The following SLC6A6 variants were observed in gnomAD, a reference collection of about 807,000 sequenced individuals.
The protein encoded by SLC6A6 is sodium- and chloride-dependent taurine transporter.
SLC6A6 carries 16 observed loss-of-function variants against 68.8 expected under a neutral mutation model. The ratio of observed to expected loss-of-function variants is 0.23; its 90% CI spans 0.16 to 0.35. SLC6A6 has a LOEUF of 0.35. Ranked by LOEUF, SLC6A6 falls within the 10% of genes least tolerant of loss-of-function variation. The pLI is 1.00. For missense variants in SLC6A6, 474 were observed against 802.8 expected (o/e 0.59, Z 4.95); for synonymous variants, 312 against 315.4 (o/e 0.99, Z 0.12).
chr3:14,407,802 G>T (rs1050936492), intron 1 of SLC6A6, among the ~76,000 whole-genome samples: 1 of 152,116 alleles, frequency 6.6e-6, no homozygotes, highest in Non-Finnish European at 1.5e-5. Flanking sequence ...CACCATACCA[G>T]GCCCACTTTC....
At chr3:14,471,028 G>A (rs1431847393) in intron 9 of SLC6A6, among the ~76,000 whole-genome samples, 1 of 151,366 alleles carries the variant, frequency 6.6e-6, no homozygotes, top group Non-Finnish European at 1.5e-5. Flanking sequence ...TTATTGTAAA[G>A]TTGGGTTTTG....
intron 10 of SLC6A6, among the ~76,000 whole-genome samples, chr3:14,473,486 G>A (rs543492816): frequency 4.9e-4 from 75 of 152,202 alleles, no homozygotes; most frequent in African/African-American, 1.5e-3. Flanking sequence ...CCCGCGGGCC[G>A]AAGTCTTCAG....
Position 14,478,567 on chromosome 3 carries a change from T to C in SLC6A6, c.1449T>C (p.Tyr483=), listed in dbSNP as rs1700936172. 6.3e-7 allele frequency: 1 copy of C among 1,578,468 alleles called. No homozygotes were observed. Among genetic ancestry groups the C allele is most frequent in the Non-Finnish European group, 8.7e-7 (1 of 1,147,456 alleles). ...FFECFVIAWI[Y]GGDNLYDGIE... Reference sequence around the variant, plus strand: ...AATGTTTTGTTATTGCCTGGATATATGGTGAGTACAGATTTTTTCATGTCC... The same window carrying C: ...AATGTTTTGTTATTGCCTGGATATACGGTGAGTACAGATTTTTTCATGTCC... Residue 483 remains tyrosine (Y), a splice_region_variant and synonymous_variant, in exon 12 of 15, where the codon TAT becomes TAC. Transcript: ENST00000622186.
intron 2 of SLC6A6, among the ~76,000 whole-genome samples, chr3:14,438,977 T>G (rs1210943003): frequency 6.6e-6 from 1 of 152,238 alleles, no homozygotes; most frequent in Non-Finnish European, 1.5e-5. Flanking sequence ...CCCCAGAGCC[T>G]TGGACTGAGG....
intron 2 of SLC6A6, among the ~76,000 whole-genome samples, chr3:14,423,552 A>G (rs1171241705): frequency 6.6e-6 from 1 of 152,110 alleles, no homozygotes; most frequent in Non-Finnish European, 1.5e-5. Context: ...AGAGAAGTAC[A>G]GTGACCTGCT....
intron 13 of SLC6A6, among the ~76,000 whole-genome samples, chr3:14,480,223 A>T (rs573694461): frequency 1.3e-5 from 2 of 152,326 alleles, no homozygotes; most frequent in South Asian, 4.1e-4. Flanking sequence ...ACTTTCTCCC[A>T]CAAAAATAAG....
intron 14 of SLC6A6, among the ~76,000 whole-genome samples, chr3:14,483,211 G>A (rs556958598): frequency 6.6e-6 from 1 of 152,170 alleles, no homozygotes. Flanking sequence ...GTGGGGGAGT[G>A]GGTGAGGGCA....
At chr3:14,483,509 G>A (rs1701060589) in intron 14 of SLC6A6, among the ~76,000 whole-genome samples, 1 of 152,182 alleles carries the variant, frequency 6.6e-6, no homozygotes, top group Admixed American at 6.5e-5. Context: ...CGCCCTCCCA[G>A]GCACAGCCCA....
intron 2 of SLC6A6, among the ~76,000 whole-genome samples, chr3:14,439,223 T>C (rs1278656416): frequency 2.6e-5 from 4 of 152,258 alleles, no homozygotes; most frequent in Non-Finnish European, 5.9e-5. Context: ...GGCTGCTCGC[T>C]TCCCTGCGTG....
intron 6 of SLC6A6, among the ~76,000 whole-genome samples, chr3:14,462,569 C>A (rs192768631): frequency 6.6e-6 from 1 of 152,062 alleles, no homozygotes; most frequent in African/African-American, 2.4e-5. Flanking sequence ...CATCGTGGCG[C>A]GTACCTGTAG....
At chr3:14,403,159 A>G (rs887407875) in intron 1 of SLC6A6, among the ~76,000 whole-genome samples, 1 of 151,296 alleles carries the variant, frequency 6.6e-6, no homozygotes, top group African/African-American at 2.4e-5. Context: ...CAGGATGCCT[A>G]CATGTGCCTC....
rs1700676940 is a variant in SLC6A6 at position 14,468,497 on chromosome 3, T to G, written c.1096+285T>G. Among the ~76,000 whole-genome samples, 2 of 151,598 alleles carry G rather than the reference T, an allele frequency of 1.3e-5. No homozygotes were observed. The highest frequency in any genetic ancestry group is 4.2e-4 in the South Asian group (2 of 4,792). On this transcript the variant is annotated intron_variant, in intron 9 of 14. Coordinates refer to ENST00000622186, the MANE Select transcript of SLC6A6 (RefSeq NM_003043.6). This position sits in a 1 kb window ranked among gnomAD's most constrained non-coding sequence, Gnocchi z 4.5. Reference sequence around the variant, plus strand: ...TAGTGTGGTCTTCCCCGCCCCCCCGTCCTTCCCCAGCAAACTCCTGGTTTC... The same window carrying G: ...TAGTGTGGTCTTCCCCGCCCCCCCGGCCTTCCCCAGCAAACTCCTGGTTTC...
chr3:14,423,414 G>A (rs1443355424), intron 2 of SLC6A6, among the ~76,000 whole-genome samples: 1 of 152,186 alleles, frequency 6.6e-6, no homozygotes, highest in Non-Finnish European at 1.5e-5. Context: ...CAGTGCAGTT[G>A]GTAAAGAGCC....
chr3:14,415,749 C>T (rs956378488), intron 1 of SLC6A6, among the ~76,000 whole-genome samples: 9 of 152,114 alleles, frequency 5.9e-5, no homozygotes, highest in Admixed American at 2.0e-4. Flanking sequence ...GGGTTAGTCA[C>T]GTCCGGGACT....
intron 5 of SLC6A6, among the ~76,000 whole-genome samples, chr3:14,455,766 A>G (rs1700352483): frequency 6.6e-6 from 1 of 152,230 alleles, no homozygotes; most frequent in African/African-American, 2.4e-5. Flanking sequence ...AGAATGAGGA[A>G]AGGCTTTTTG....
intron 1 of SLC6A6, among the ~76,000 whole-genome samples, chr3:14,410,448 C>T (rs1699226242): frequency 6.6e-6 from 1 of 152,154 alleles, no homozygotes; most frequent in Non-Finnish European, 1.5e-5. Context: ...AGGAGACACC[C>T]CCAGAGCCCA....
chr3:14,443,486 C>T, intron 2 of SLC6A6, 138 bp from the exon 3 acceptor site: 1 of 626,922 alleles, frequency 1.6e-6, no homozygotes, highest in Non-Finnish European at 2.8e-6. Flanking sequence ...AAGCATTGGA[C>T]AGACAGGGAT....
In SLC6A6 at chr3:14,486,729, C is replaced by G. The variant is rs796708665; in HGVS notation, c.*1722C>G. Reference sequence around the variant, plus strand: ...AGGGGTGCAGACCGCAGAATTTTCACAGCAGGGGCTCTTGGAACCCTGGAA... The same window carrying G: ...AGGGGTGCAGACCGCAGAATTTTCAGAGCAGGGGCTCTTGGAACCCTGGAA... On this transcript the variant is annotated 3_prime_UTR_variant, in exon 15 of 15. Coordinates refer to ENST00000622186, the MANE Select transcript of SLC6A6 (RefSeq NM_003043.6). 7 of 152,734 alleles carry G rather than the reference C, an allele frequency of 4.6e-5. No homozygotes were observed. Among genetic ancestry groups the G allele is most frequent in the African/African-American group, 1.7e-4 (7 of 41,574 alleles). The allele number at this position is 152,734 out of a possible 1,614,324, so 9.5% of individuals were successfully genotyped here. A position where few individuals can be genotyped will look rare whatever the true frequency, so the allele number is the denominator to read the frequency against.
chr3:14,478,822 C>G (rs1227073858), intron 12 of SLC6A6: 1 of 590,130 alleles, frequency 1.7e-6, no homozygotes, highest in African/African-American at 1.9e-5. Context: ...CCTTTTTTAT[C>G]TCCTTGAGGC....
Sources: allele counts gnomAD v4.1 joint callset (sites outside exome capture counted in the v4.1 genomes callset), GRCh38; gene constraint gnomAD v4.1.1; non-coding constraint Gnocchi (gnomAD v3.1); transcripts MANE v1.5; gene names NCBI Gene and HGNC (gene_info 2026-07-23, HGNC 2026-07-21).